AQP9: variants seen among roughly 807,000 people sequenced by gnomAD.
The protein encoded by AQP9 is aquaporin 9, also known as aquaporin-9.
In AQP9, 19 loss-of-function variants were observed where a neutral mutation model predicts 23.8. The observed-to-expected ratio is 0.80, with a 90% CI of 0.56 to 1.17. The LOEUF (loss-of-function observed/expected upper bound fraction) is 1.17. AQP9 is among the 50% of genes most tolerant of loss of function. The probability of loss-of-function intolerance (pLI) is 0.00; values close to 1 mark genes in which losing one functional copy is unlikely to be tolerated. For synonymous variants in AQP9, 153 were observed against 131.5 expected, an observed-to-expected ratio of 1.16 and a Z score of -1.12; for missense variants, 413 against 362.0, an observed-to-expected ratio of 1.14 and a Z score of -1.14.
intron 2 of AQP9, among the ~76,000 whole-genome samples, chr15:58,171,955 A>G (rs1361808442): frequency 1.3e-5 from 2 of 152,208 alleles, no homozygotes; most frequent in Non-Finnish European, 2.9e-5. Flanking sequence ...CCCCTCCACA[A>G]AAAATGTCAT....
Sources: gnomAD v4.1 joint callset for allele counts (sites outside exome capture counted in the v4.1 genomes callset) on GRCh38, gnomAD v4.1.1 for gene constraint, MANE v1.5 for transcripts, NCBI Gene and HGNC (gene_info 2026-07-23, HGNC 2026-07-21) for gene names.